Variants in NCOA1 observed in about 807,000 individuals in gnomAD.
The protein encoded by NCOA1 is nuclear receptor coactivator 1, also known as Hin-2 protein.
Under a neutral mutation model 150.9 loss-of-function variants are expected in NCOA1, and 35 were observed. The observed-to-expected ratio is 0.23, with a 90% CI of 0.18 to 0.31. The LOEUF is 0.31. Among genes scored for constraint, NCOA1 ranks in the 10% least tolerant of loss-of-function variants. NCOA1 has a pLI of 1.00. For synonymous variants in NCOA1, 590 were observed against 630.0 expected, an observed-to-expected ratio of 0.94 and a Z score of 0.95; for missense variants, 1,491 against 1,749.3, an observed-to-expected ratio of 0.85 and a Z score of 2.63.
At chr2:24,509,791 T>C (rs1172543941) in intron 1 of NCOA1, among the ~76,000 whole-genome samples, 1 of 152,206 alleles carries the variant, frequency 6.6e-6, no homozygotes, top group South Asian at 2.1e-4. Context: ...GTTCAGATTC[T>C]TTTTTCTAAA....
intron 3 of NCOA1, among the ~76,000 whole-genome samples, chr2:24,618,252 T>C (rs1368765400): frequency 1.3e-5 from 2 of 152,204 alleles, no homozygotes; most frequent in Non-Finnish European, 2.9e-5. Flanking sequence ...CTCCAACTAT[T>C]GCTGCTTAGT....
chr2:24,505,042 G>A (rs1663630285), intron 1 of NCOA1, among the ~76,000 whole-genome samples: 1 of 152,088 alleles, frequency 6.6e-6, no homozygotes, highest in African/African-American at 2.4e-5. Flanking sequence ...AACTATTGGT[G>A]TTGGCCAAGT....
At chr2:24,574,808 A>G (rs767103918) in intron 2 of NCOA1, among the ~76,000 whole-genome samples, 1 of 151,924 alleles carries the variant, frequency 6.6e-6, no homozygotes, top group Non-Finnish European at 1.5e-5. Flanking sequence ...ATCTTGCGCC[A>G]TTGTTTTCTT....
At chr2:24,543,758 G>C (rs1257952085) in intron 1 of NCOA1, among the ~76,000 whole-genome samples, 1 of 152,136 alleles carries the variant, frequency 6.6e-6, no homozygotes. Flanking sequence ...AGAGAAGGAT[G>C]ACAGGAAAGA....
chr2:24,646,408 T>C (rs1031031368), intron 4 of NCOA1, among the ~76,000 whole-genome samples: 7 of 152,184 alleles, frequency 4.6e-5, no homozygotes, highest in African/African-American at 7.2e-5. Context: ...GGAAACAACA[T>C]TTTTTATTGC....
chr2:24,516,992 A>ACG (rs1553422184), intron 1 of NCOA1, among the ~76,000 whole-genome samples: 38 of 52,278 alleles, frequency 7.3e-4, no homozygotes, highest in Admixed American at 3.8e-3. Flanking sequence ...ACGTATATAT[A>ACG]TACACACGCG....
intron 5 of NCOA1, among the ~76,000 whole-genome samples, chr2:24,663,474 TAA>T (rs1671276654): frequency 6.6e-6 from 1 of 152,196 alleles, no homozygotes; most frequent in Admixed American, 6.5e-5. Flanking sequence ...ATCTGGCATA[TAA>T]TAAGTATAGG....
At chr2:24,692,844 C>A (rs1376777592) in intron 9 of NCOA1, among the ~76,000 whole-genome samples, 1 of 152,160 alleles carries the variant, frequency 6.6e-6, no homozygotes. Flanking sequence ...AATATTATGT[C>A]AGGTGCTGTA....
chr2:24,766,846 G>A (rs573986976), intron 22 of NCOA1, among the ~76,000 whole-genome samples: 2 of 152,262 alleles, frequency 1.3e-5, no homozygotes, highest in African/African-American at 4.8e-5. Context: ...CAGACTGGGC[G>A]CGTTGGTGTG....
intron 3 of NCOA1, among the ~76,000 whole-genome samples, chr2:24,618,577 T>G (rs1167694332): frequency 6.6e-6 from 1 of 152,108 alleles, no homozygotes; most frequent in Non-Finnish European, 1.5e-5. Flanking sequence ...TTATGCAGAT[T>G]TGGGGTGAGG....
At chr2:24,493,570 A>G (rs1663071233) in intron 1 of NCOA1, among the ~76,000 whole-genome samples, 2 of 151,942 alleles carry the variant, frequency 1.3e-5, no homozygotes, top group Non-Finnish European at 1.5e-5. Flanking sequence ...TTAAACCAAG[A>G]GAGTATTTTA....
At chr2:24,690,140 T>G (rs1168894688) in intron 8 of NCOA1, among the ~76,000 whole-genome samples, 2 of 152,152 alleles carry the variant, frequency 1.3e-5, no homozygotes, top group African/African-American at 4.8e-5. Context: ...ATAAATGACT[T>G]TAGAGATAAG....
intron 4 of NCOA1, among the ~76,000 whole-genome samples, chr2:24,648,358 C>G (rs979229283): frequency 6.6e-6 from 1 of 151,876 alleles, no homozygotes; most frequent in African/African-American, 2.4e-5. Flanking sequence ...ACTGCATCCT[C>G]CGCCTCCCGG....
chr2:24,614,704 T>A (rs755444240), intron 3 of NCOA1, among the ~76,000 whole-genome samples: 10 of 152,198 alleles, frequency 6.6e-5, no homozygotes, highest in Non-Finnish European at 1.0e-4. Context: ...CCTGTGGGTA[T>A]GTTTAAAAGC....
At chr2:24,516,753 G>C (rs550249173) in intron 1 of NCOA1, among the ~76,000 whole-genome samples, 1 of 145,010 alleles carries the variant, frequency 6.9e-6, no homozygotes, top group African/African-American at 2.5e-5. Context: ...TTATACCTCT[G>C]TTACTCCCAT....
intron 1 of NCOA1, among the ~76,000 whole-genome samples, chr2:24,537,337 C>T (rs1665197205): frequency 6.6e-6 from 1 of 151,546 alleles, no homozygotes; most frequent in Non-Finnish European, 1.5e-5. Flanking sequence ...AACGGATGGA[C>T]CTGGAAGACA....
Position 24,690,651 on chromosome 2 carries a change from CAAAAA to C in NCOA1, c.533-807_533-803del, listed in dbSNP as rs70947837. Among the ~76,000 whole-genome samples the C allele has an allele frequency of 2.1e-3, 80 of 38,436 alleles. No individual in the cohort carries two copies. The East Asian group carries it at 0.043, about 21-fold the overall frequency. The allele number at this position is 38,436 out of a possible 152,430, so 25.2% of individuals were successfully genotyped here. A position where few individuals can be genotyped will look rare whatever the true frequency, so the allele number is the denominator to read the frequency against. On this transcript the variant is annotated intron_variant, in intron 8 of 22. Transcript: ENST00000348332. Reference sequence around the variant, plus strand: ...TGGGTGACAAAGTGAGATTCCATCTCAAAAAAAAAAAAAAAAAAAAAAAAAAAGGC... The same window carrying C: ...TGGGTGACAAAGTGAGATTCCATCTCAAAAAAAAAAAAAAAAAAAAAAGGC...
At chr2:24,498,692 C>T (rs983892205) in intron 1 of NCOA1, among the ~76,000 whole-genome samples, 1 of 152,034 alleles carries the variant, frequency 6.6e-6, no homozygotes, top group African/African-American at 2.4e-5. Flanking sequence ...GAGAGGGAAG[C>T]ATATCGTCTA....
intron 21 of NCOA1, among the ~76,000 whole-genome samples, chr2:24,760,837 G>GT (rs959232928): frequency 6.6e-6 from 1 of 151,602 alleles, no homozygotes; most frequent in African/African-American, 2.4e-5. Flanking sequence ...ATTTTTTGTT[G>GT]TCGTTTTTTG....
Sources: allele counts gnomAD v4.1 joint callset (sites outside exome capture counted in the v4.1 genomes callset), GRCh38; gene constraint gnomAD v4.1.1; transcripts MANE v1.5; gene names NCBI Gene and HGNC (gene_info 2026-07-23, HGNC 2026-07-21).